Variants in TTC7A observed in about 807,000 individuals in gnomAD.
TTC7A encodes tetratricopeptide repeat domain 7A, also known as tetratricopeptide repeat protein 7A.
Under a neutral mutation model 103.7 loss-of-function variants are expected in TTC7A, and 110 were observed. That is an observed-to-expected ratio of 1.06 (90% CI 0.91 to 1.24). The LOEUF is 1.24. Ranked by LOEUF, TTC7A falls within the 50% of genes most tolerant of loss-of-function variation. The pLI, the probability that TTC7A is intolerant of heterozygous loss-of-function variation, is 0.00. For synonymous variants in TTC7A, 521 were observed against 467.9 expected, an observed-to-expected ratio of 1.11 and a Z score of -1.47; for missense variants, 1,340 against 1,116.3, an observed-to-expected ratio of 1.20 and a Z score of -2.86.
chr2:46,931,219 T>C (rs1669683526), intron 2 of TTC7A, among the ~76,000 whole-genome samples: 1 of 152,242 alleles, frequency 6.6e-6, no homozygotes, highest in African/African-American at 2.4e-5. Context: ...GCTGGGATTA[T>C]AGGCATATAC....
Position 47,073,955 on chromosome 2 carries a change from G to C in TTC7A, c.*32G>C. On this transcript the variant is annotated 3_prime_UTR_variant, in exon 20 of 20. Transcript: ENST00000319190. Reference sequence around the variant, plus strand: ...TGCAGCCGCAGGGAGGGAGGGGCTGGCCAGAGGGAGAGGCAGCAGGGAACG... The same window carrying C: ...TGCAGCCGCAGGGAGGGAGGGGCTGCCCAGAGGGAGAGGCAGCAGGGAACG... 6.3e-7 allele frequency: 1 copy of C among 1,577,068 alleles called. No individual in the cohort carries two copies. The highest frequency in any genetic ancestry group is 1.3e-5 in the African/African-American group (1 of 74,164).
Position 46,991,783 on chromosome 2 carries a change from G to T in TTC7A, c.765-1667G>T, listed in dbSNP as rs563691040. 2.6e-5 allele frequency among the ~76,000 whole-genome samples: 4 copies of T among 152,274 alleles called. No homozygotes were observed. The South Asian group carries it at 8.3e-4, about 32-fold the overall frequency. On this transcript the variant is annotated intron_variant, in intron 5 of 19. Coordinates refer to ENST00000319190, the MANE Select transcript of TTC7A (RefSeq NM_020458.4). ...TTACAGACCTCACCCAGACTTGATG[G>T]TCTCTAAGGGGGCTGAGGTTCCCTG... is the stretch of plus-strand genomic sequence containing the variant.
At chr2:47,068,223 A>G (rs1194465958) in intron 19 of TTC7A, 3 of 152,192 alleles carry the variant, frequency 2.0e-5, no homozygotes, top group Non-Finnish European at 2.9e-5. Context: ...AATGACACTC[A>G]GTGCCTGGCA....
In TTC7A at chr2:47,021,885, C is replaced by T; in HGVS notation, c.1416C>T (p.Ala472=). 8.7e-6 allele frequency: 14 copies of T among 1,614,180 alleles called. No homozygotes were observed. Among genetic ancestry groups the T allele is most frequent in the Non-Finnish European group, 1.2e-5 (14 of 1,180,004 alleles). Residue 472 remains alanine, a synonymous_variant, in exon 12 of 20, where the codon GCC becomes GCT. Transcript: ENST00000319190. ...AGCTAGAGGAAGCAGAGCACTTTGC[C>T]ATGATGGTGATCAGCCTCGGAGAGG... ...LRWLEEAEHF[A]MMVISLGEEA...
At chr2:47,055,408 G>C (rs1255454382) in intron 18 of TTC7A, among the ~76,000 whole-genome samples, 1 of 152,182 alleles carries the variant, frequency 6.6e-6, no homozygotes, top group Non-Finnish European at 1.5e-5. Flanking sequence ...TCCAGTGCGA[G>C]AAGCTGATGA....
intron 18 of TTC7A, among the ~76,000 whole-genome samples, chr2:47,053,553 T>TGGTG (rs1240990585): frequency 7.0e-6 from 1 of 143,498 alleles, no homozygotes; most frequent in East Asian, 2.2e-4. Flanking sequence ...TTTGGTTGGT[T>TGGTG]GGTTGGTTGG....
chr2:47,010,654 C>A lies in TTC7A; in HGVS notation c.1288-677C>A, dbSNP rs184893541. Among the ~76,000 whole-genome samples, 28 of 152,216 alleles carry A rather than the reference C, an allele frequency of 1.8e-4. No homozygotes were observed. The East Asian group carries it at 4.8e-3, about 26-fold the overall frequency. On this transcript the variant is annotated intron_variant, in intron 10 of 19. Coordinates refer to ENST00000319190, the MANE Select transcript of TTC7A (RefSeq NM_020458.4). The stretch of plus-strand genomic sequence containing the variant: ...CCTCTCTGCCAGCCTTTATACGACC[C>A]CCAACCCCGCCATTGGCCATGCCTC...
At chr2:46,989,436 G>A (rs1474618857) in intron 5 of TTC7A, among the ~76,000 whole-genome samples, 3 of 152,238 alleles carry the variant, frequency 2.0e-5, no homozygotes, top group African/African-American at 7.2e-5. Context: ...CCTGGCACTG[G>A]CAGCTTCAGA....
intron 18 of TTC7A, among the ~76,000 whole-genome samples, chr2:47,054,394 G>A (rs545839821): frequency 6.6e-6 from 1 of 152,266 alleles, no homozygotes; most frequent in South Asian, 2.1e-4. Flanking sequence ...AAGGAAGAAA[G>A]GCACCCCCTT....
In TTC7A at chr2:47,007,867, C is replaced by T. The variant is rs374925385; in HGVS notation, c.1287+1143C>T. Among the ~76,000 whole-genome samples the T allele has an allele frequency of 6.6e-6, 1 of 152,246 alleles. No individual in the cohort carries two copies. Among genetic ancestry groups the T allele is most frequent in the Non-Finnish European group, 1.5e-5 (1 of 68,038 alleles). On this transcript the variant is annotated intron_variant, in intron 10 of 19. Coordinates refer to ENST00000319190, the MANE Select transcript of TTC7A (RefSeq NM_020458.4). This position sits in a 1 kb window ranked among gnomAD's most constrained non-coding sequence, Gnocchi z 4.9. ...ATGATCTCCTTGGCTCTGTGCTCAG[C>T]AGGGTCTTGTCAAGGCTCAGGGAGA...
intron 2 of TTC7A, among the ~76,000 whole-genome samples, chr2:46,925,664 C>A (rs1669349542): frequency 6.6e-6 from 1 of 152,184 alleles, no homozygotes; most frequent in Non-Finnish European, 1.5e-5. Flanking sequence ...AGTTCCTAAG[C>A]TGACTTCTCC....
chr2:47,008,385 C>A lies in TTC7A; in HGVS notation c.1287+1661C>A, dbSNP rs1238580061. 3.3e-5 allele frequency among the ~76,000 whole-genome samples: 5 copies of A among 152,198 alleles called. No homozygotes were observed. In the East Asian group the frequency reaches 9.6e-4, roughly 29 times the overall value. ...GGCTCAGTCAAAGGTGTCGTGATAG[C>A]CTGGGAGGTAAGGAGTCTTCTGCCT... On this transcript the variant is annotated intron_variant, in intron 10 of 19. Transcript: ENST00000319190.
rs1156676896 is a variant in TTC7A, at chr2:46,957,522, G to T, written c.517+515G>T. 2.0e-5 allele frequency among the ~76,000 whole-genome samples: 3 copies of T among 152,308 alleles called. No homozygotes were observed. In the East Asian group the frequency reaches 5.8e-4, roughly 29 times the overall value. On this transcript the variant is annotated intron_variant, in intron 3 of 19. Transcript: ENST00000319190. ...CTGCTGTGAGTGGCCCAGGGAGCAG[G>T]GGCTGAGACCCAGTGATGAACAGGT...
chr2:46,938,125 C>G (rs77108433), upstream of TTC7A, among the ~76,000 whole-genome samples: 54 of 152,022 alleles, frequency 3.6e-4, no homozygotes, highest in African/African-American at 1.2e-3. Flanking sequence ...GCCAGATCTC[C>G]AAAACCTCCT....
chr2:46,995,610 C>T (rs1458409093), intron 8 of TTC7A, among the ~76,000 whole-genome samples: 1 of 152,184 alleles, frequency 6.6e-6, no homozygotes, highest in Non-Finnish European at 1.5e-5. Context: ...AATCAGGTTC[C>T]AGTTCTGCGT....
chr2:46,953,792 G>A (rs1558503164), intron 2 of TTC7A, among the ~76,000 whole-genome samples: 1 of 151,246 alleles, frequency 6.6e-6, no homozygotes, highest in South Asian at 2.1e-4. Context: ...TTTACTATTA[G>A]CCCCATTTCT....
At chr2:47,073,113 C>A (rs948274191) in intron 19 of TTC7A, among the ~76,000 whole-genome samples, 3 of 152,192 alleles carry the variant, frequency 2.0e-5, no homozygotes, top group Non-Finnish European at 4.4e-5. Flanking sequence ...TGAGGAGCCA[C>A]CGCACACGCA....
chr2:47,001,315 T>C (rs1676779582), intron 8 of TTC7A, among the ~76,000 whole-genome samples: 1 of 152,074 alleles, frequency 6.6e-6, no homozygotes, highest in South Asian at 2.1e-4. Flanking sequence ...CTTACTAGGT[T>C]GGAAAAAGCT....
At chr2:46,984,945 C>T (rs940881526) in intron 5 of TTC7A, among the ~76,000 whole-genome samples, 8 of 152,118 alleles carry the variant, frequency 5.3e-5, no homozygotes, top group African/African-American at 9.7e-5. Context: ...AGCTGATGCA[C>T]GGTGCGCTGA....
Sources: allele counts gnomAD v4.1 joint callset (sites outside exome capture counted in the v4.1 genomes callset), GRCh38; gene constraint gnomAD v4.1.1; non-coding constraint Gnocchi (gnomAD v3.1); transcripts MANE v1.5; gene names NCBI Gene and HGNC (gene_info 2026-07-23, HGNC 2026-07-21).